Variants in EVPL observed in about 807,000 individuals in gnomAD.
EVPL encodes the protein envoplakin.
A neutral mutation model predicts 129.7 loss-of-function variants in EVPL; 94 were observed. The observed-to-expected ratio is 0.72, with a 90% CI of 0.61 to 0.86. EVPL has a LOEUF of 0.86. Ranked by LOEUF, EVPL falls within the 40% of genes least tolerant of loss-of-function variation. The pLI is 0.00. For missense variants in EVPL, 2,625 were observed against 2,721.1 expected (o/e 0.96, Z 0.79); for synonymous variants, 1,172 against 1,191.1 (o/e 0.98, Z 0.33).
Position 76,024,021 on chromosome 17 carries a change from C to A in EVPL, c.198G>T (p.Gln66His). The A allele has an allele frequency of 6.2e-7, 1 of 1,612,272 alleles. No homozygotes were observed. The highest frequency in any genetic ancestry group is 1.1e-5 in the South Asian group (1 of 90,640). ...DILETQKRLQQDRLNSEQSQA... is the reference protein window; with the variant it reads ...DILETQKRLQHDRLNSEQSQA... ...CTGCCAACTGCTGCCGGGGCCTCAC[C>A]TGCTGCAGCCTCTTCTGCGTCTCCA... The change falls in exon 2 of 22, where the codon CAG becomes CAT. Residue 66 changes from glutamine to histidine, a missense_variant and splice_region_variant. Gln to His is a conservative substitution (Grantham distance 24, BLOSUM62 0). Around this residue, in one of 4 missense-constraint regions of EVPL, gnomAD observed 139 missense variants for 186.8 expected, o/e 0.74. Coordinates refer to ENST00000301607, the MANE Select transcript of EVPL (RefSeq NM_001988.4). The surrounding 1 kb of genome is among the most constrained non-coding windows in gnomAD (Gnocchi z 4.5).
chr17:76,017,694 C>A, intron 14 of EVPL, 45 bp downstream of exon 14: 1 of 1,589,000 alleles, frequency 6.3e-7, no homozygotes, highest in Non-Finnish European at 8.5e-7. Flanking sequence ...GCACCAGGGC[C>A]GGGCCGCTTC....
In EVPL at chr17:76,008,740, T is replaced by C. The variant is rs762089155; in HGVS notation, c.4465A>G (p.Lys1489Glu). ...CGATTCAGCTCGGTTACCTGGGTCT[T>C]CTCCTGGTCCAGGTCCCACCGCAGG... Reference protein sequence around the residue: ...EALRWDLDQEKTQVTELNREC... With the variant: ...EALRWDLDQEETQVTELNREC... The change falls in exon 22 of 22, where the codon AAG becomes GAG. Residue 1489 changes from lysine (K) to glutamate (E), a missense_variant. Physicochemically the swap from Lys to Glu is moderately conservative, Grantham distance 56. Coordinates refer to ENST00000301607, the MANE Select transcript of EVPL (RefSeq NM_001988.4). This position sits in a 1 kb window ranked among gnomAD's most constrained non-coding sequence, Gnocchi z 7.4. The C allele has an allele frequency of 6.2e-7, 1 of 1,614,114 alleles. No homozygotes were observed. Among genetic ancestry groups the C allele is most frequent in the Non-Finnish European group, 8.5e-7 (1 of 1,180,026 alleles).
chr17:76,014,360 C>A, intron 18 of EVPL, 66 bp downstream of exon 18: 3 of 1,535,922 alleles, frequency 2.0e-6, no homozygotes, highest in South Asian at 1.2e-5. Context: ...CCCCTTAGAG[C>A]GCTTCTGAGC....
Position 76,008,348 on chromosome 17 carries a change from C to T in EVPL, c.4857G>A (p.Leu1619=), listed in dbSNP as rs1052757657. The T allele has an allele frequency of 2.5e-6, 4 of 1,603,946 alleles. No homozygotes were observed. Among genetic ancestry groups the T allele is most frequent in the Admixed American group, 1.7e-5 (1 of 59,936 alleles). The stretch of plus-strand genomic sequence containing the variant: ...GCTCGCTCTCCGTCTTCTGGCTGAG[C>T]AGCTTCGACTCCTCCTGCAGCTGCA... ...QTLQLQEESK[L]LSQKTESERQ... is the part of the protein sequence containing the mutation. The change falls in exon 22 of 22, where the codon CTG becomes CTA. Residue 1619 remains leucine, a synonymous_variant. Coordinates refer to ENST00000301607, the MANE Select transcript of EVPL (RefSeq NM_001988.4). This position sits in a 1 kb window ranked among gnomAD's most constrained non-coding sequence, Gnocchi z 7.4.
rs1315063481 is a variant in EVPL at position 76,009,305 on chromosome 17, CTCG to C, written c.3897_3899del (p.Asp1299del). 2.5e-6 allele frequency: 4 copies of C among 1,609,412 alleles called. No individual in the cohort carries two copies. The highest frequency in any genetic ancestry group is 2.2e-5 in the East Asian group (1 of 44,888). On this transcript the variant is annotated inframe_deletion, in exon 22 of 22. Coordinates refer to ENST00000301607, the MANE Select transcript of EVPL (RefSeq NM_001988.4). This position sits in a 1 kb window ranked among gnomAD's most constrained non-coding sequence, Gnocchi z 5.9. ...CCACCTTGGCCCGCTCGCGCCTCCA[CTCG>C]TCGCGCTCACCCTGCAGGCGGATGA... is the stretch of plus-strand genomic sequence containing the variant.
rs1312322746 is a variant in EVPL, at chr17:76,012,260, T to C, written c.2374-171A>G. On this transcript the variant is annotated intron_variant, in intron 18 of 21. Transcript: ENST00000301607. The stretch of plus-strand genomic sequence containing the variant: ...CTCCTTTCCCTGACATCATTCTCTC[T>C]GCTTTTCCTCCTTCCTCTCCGAGGC... 10 of 571,066 alleles carry C rather than the reference T, an allele frequency of 1.8e-5. No homozygotes were observed. The African/African-American group carries it at 1.9e-4, about 11-fold the overall frequency. 35.4% of individuals were successfully genotyped at this position (571,066 alleles called of 1,614,324 possible).
Position 76,009,920 on chromosome 17 carries a change from C to CA in EVPL, c.3284dup (p.Arg1096GlufsTer166). The CA allele has an allele frequency of 4.3e-6, 7 of 1,614,206 alleles. No homozygotes were observed. Among genetic ancestry groups the CA allele is most frequent in the Non-Finnish European group, 5.9e-6 (7 of 1,180,036 alleles). On this transcript the variant is annotated frameshift_variant, in exon 22 of 22. Transcript: ENST00000301607. LOFTEE classifies it low-confidence loss of function (END_TRUNC). This position sits in a 1 kb window ranked among gnomAD's most constrained non-coding sequence, Gnocchi z 5.9. ...CAGCATCCTCCTCCATCTGCAGCCTCAGAGCCTGGGCTGCCTTGACCATTT... is the reference window on the plus strand; with the variant it reads ...CAGCATCCTCCTCCATCTGCAGCCTCAAGAGCCTGGGCTGCCTTGACCATTT...
chr17:76,021,710 C>A lies in EVPL; in HGVS notation c.879G>T (p.Met293Ile), dbSNP rs758252382. 10 of 1,610,458 alleles carry A rather than the reference C, an allele frequency of 6.2e-6. No individual in the cohort carries two copies. Among genetic ancestry groups the A allele is most frequent in the African/African-American group, 2.7e-5 (2 of 74,834 alleles). ...VNQLEDDGER[M>I]VELRHPAVGP... is the part of the protein sequence containing the mutation. ...CCACCGCGGGGTGCCGCAGCTCCACCATGCGCTCGCCGTCGTCCTCCAGCT... is the reference window on the plus strand; with the variant it reads ...CCACCGCGGGGTGCCGCAGCTCCACAATGCGCTCGCCGTCGTCCTCCAGCT... Residue 293 changes from methionine (M) to isoleucine (I), a missense_variant, in exon 8 of 22, where the codon ATG becomes ATT. Physicochemically the swap from Met to Ile is conservative, Grantham distance 10 (BLOSUM62 1). This residue lies in a region of EVPL where 1,024 missense variants were observed against 997.5 expected (regional missense o/e 1.03). Transcript: ENST00000301607.
chr17:76,011,792 G>A lies in EVPL; in HGVS notation c.2548C>T (p.Gln850Ter). ...APKRPRVAPL[Q>*]ESIQAQEKNL... ...CTCACCTGGGCTTGGATGCTCTCTT[G>A]CAGGGGAGCCACTCGGGGTCTCTTG... The change falls in exon 20 of 22, where the codon CAA (glutamine) becomes TAA (stop). Residue 850 changes from glutamine to a stop codon, truncating the protein, a stop_gained. Transcript: ENST00000301607. LOFTEE classifies it high-confidence loss of function. 1.2e-6 allele frequency: 2 copies of A among 1,612,514 alleles called. No individual in the cohort carries two copies. Among genetic ancestry groups the A allele is most frequent in the Non-Finnish European group, 1.7e-6 (2 of 1,179,378 alleles).
rs966549937 is a variant in EVPL at position 76,011,521 on chromosome 17, G to A, written c.2661+55C>T. On this transcript the variant is annotated intron_variant, in intron 21 of 21. Transcript: ENST00000301607. ...GCCTGGCATTTTGGGAATGGAGTGG[G>A]CATTCCTGGTTATTCCTGGCTATTG... The A allele has an allele frequency of 4.8e-6, 7 of 1,453,056 alleles. No homozygotes were observed. In the African/African-American group the frequency reaches 9.8e-5, roughly 20 times the overall value. The allele number at this position is 1,453,056 out of a possible 1,614,324, so 90.0% of individuals were successfully genotyped here.
chr17:76,008,700 A>G lies in EVPL; in HGVS notation c.4505T>C (p.Leu1502Pro). The G allele has an allele frequency of 1.2e-6, 2 of 1,613,516 alleles. No individual in the cohort carries two copies. Among genetic ancestry groups the G allele is most frequent in the Middle Eastern group, 1.6e-4 (1 of 6,062 alleles). ...VTELNRECKN[L>P]QVQIDVLQKA... The stretch of plus-strand genomic sequence containing the variant: ...CTGGAGGACGTCAATCTGGACCTGC[A>G]GGTTCTTGCACTCCCGATTCAGCTC... The change falls in exon 22 of 22, where the codon CTG becomes CCG. Residue 1502 changes from leucine to proline, a missense_variant. Transcript: ENST00000301607. The surrounding 1 kb of genome is among the most constrained non-coding windows in gnomAD (Gnocchi z 7.4).
Position 76,009,238 on chromosome 17 carries a change from C to T in EVPL, c.3967G>A (p.Asp1323Asn). 1.2e-6 allele frequency: 2 copies of T among 1,608,046 alleles called. No homozygotes were observed. The highest frequency in any genetic ancestry group is 1.7e-6 in the Non-Finnish European group (2 of 1,179,922). The change falls in exon 22 of 22, where the codon GAC (aspartate) becomes AAC (asparagine). Residue 1323 changes from aspartate to asparagine, a missense_variant. Physicochemically the swap from Asp to Asn is conservative, Grantham distance 23 (BLOSUM62 1). Coordinates refer to ENST00000301607, the MANE Select transcript of EVPL (RefSeq NM_001988.4). The surrounding 1 kb of genome is among the most constrained non-coding windows in gnomAD (Gnocchi z 5.9). The stretch of plus-strand genomic sequence containing the variant: ...TCTGCTTCTTTCTCCAGCACCGGGT[C>T]CTTCTCGTGGCGCACCACCTCCTTG... ...VSKEVVRHEK[D>N]PVLEKEAERL...
chr17:76,011,574 A>T lies in EVPL; in HGVS notation c.2661+2T>A, dbSNP rs746423354. 3.1e-6 allele frequency: 5 copies of T among 1,613,376 alleles called. No homozygotes were observed. The African/African-American group carries it at 6.7e-5, about 22-fold the overall frequency. ...GGAAAGCTGTAGGTGTTGTCTGTGT[A>T]CCTTCTCCAGCATTTTTCTAGCAAA... On this transcript the variant is annotated splice_donor_variant, in intron 21 of 21. Coordinates refer to ENST00000301607, the MANE Select transcript of EVPL (RefSeq NM_001988.4). LOFTEE classifies it high-confidence loss of function.
chr17:76,019,054 C>T lies in EVPL; in HGVS notation c.1144G>A (p.Glu382Lys), dbSNP rs1416678848. 2.5e-6 allele frequency: 4 copies of T among 1,575,908 alleles called. No individual in the cohort carries two copies. Among genetic ancestry groups the T allele is most frequent in the East Asian group, 4.7e-5 (2 of 42,902 alleles). Residue 382 changes from glutamate to lysine, a missense_variant, in exon 11 of 22, where the codon GAA becomes AAA. This residue lies in a region of EVPL where 1,024 missense variants were observed against 997.5 expected (regional missense o/e 1.03). Coordinates refer to ENST00000301607, the MANE Select transcript of EVPL (RefSeq NM_001988.4). ...TELLQQLEAE[E>K]KRLAVTERAT... Reference sequence around the variant, plus strand: ...CTCTCGGTGACGGCCAGCCGTTTTTCCTCTGCCTGCCGGGGGCCCAGGCAG... The same window carrying T: ...CTCTCGGTGACGGCCAGCCGTTTTTTCTCTGCCTGCCGGGGGCCCAGGCAG...
At chr17:76,017,694 C>T (rs756600390) in intron 14 of EVPL, 45 bp downstream of exon 14, 47 of 1,588,882 alleles carry the variant, frequency 3.0e-5, no homozygotes, top group Middle Eastern at 1.8e-4. Context: ...GCACCAGGGC[C>T]GGGCCGCTTC....
Position 76,022,561 on chromosome 17 carries a change from G to A in EVPL, c.481-23C>T, listed in dbSNP as rs773568413. ...CTTCTGCAGGAGAGCCGGCGGCTCA[G>A]TCCCCAAAGGACCGCGGTGGGGAGC... On this transcript the variant is annotated intron_variant, in intron 4 of 21. Coordinates refer to ENST00000301607, the MANE Select transcript of EVPL (RefSeq NM_001988.4). This position sits in a 1 kb window ranked among gnomAD's most constrained non-coding sequence, Gnocchi z 5.6. The A allele has an allele frequency of 1.3e-6, 2 of 1,587,068 alleles. No individual in the cohort carries two copies. The highest frequency in any genetic ancestry group is 3.6e-5 in the Admixed American group (2 of 54,948).
At position 76,012,005 on chromosome 17, in the gene EVPL, C is replaced by T. The variant is rs200516517; in HGVS notation, c.2457+1G>A. The T allele has an allele frequency of 1.9e-6, 3 of 1,612,628 alleles. No individual in the cohort carries two copies. Among genetic ancestry groups the T allele is most frequent in the Non-Finnish European group, 2.5e-6 (3 of 1,179,432 alleles). On this transcript the variant is annotated splice_donor_variant, in intron 19 of 21. Transcript: ENST00000301607. LOFTEE classifies it high-confidence loss of function. ...GGGCAAGCTGAAGGCAAGCTGCTTACCTGGAGCGCTGCCTGCAGGGCCTGG... is the reference window on the plus strand; with the variant it reads ...GGGCAAGCTGAAGGCAAGCTGCTTATCTGGAGCGCTGCCTGCAGGGCCTGG...
chr17:76,011,421 C>T (rs1333141840), intron 21 of EVPL, 155 bp downstream of exon 21: 9 of 695,646 alleles, frequency 1.3e-5, no homozygotes, highest in South Asian at 3.3e-5. Context: ...GAATCCGCTC[C>T]CCTCTCCAGC....
chr17:76,013,083 C>T lies in EVPL; in HGVS notation c.2374-994G>A, dbSNP rs2066391843. 6.6e-6 allele frequency among the ~76,000 whole-genome samples: 1 copy of T among 152,144 alleles called. No homozygotes were observed. The highest frequency in any genetic ancestry group is 1.5e-5 in the Non-Finnish European group (1 of 68,028). Reference sequence around the variant, plus strand: ...TCTGATAAGTCCCCAGGTGATGCTGCTACAGCTCATCCAGAACCATGGCTC... The same window carrying T: ...TCTGATAAGTCCCCAGGTGATGCTGTTACAGCTCATCCAGAACCATGGCTC... On this transcript the variant is annotated intron_variant, in intron 18 of 21. Coordinates refer to ENST00000301607, the MANE Select transcript of EVPL (RefSeq NM_001988.4). The surrounding 1 kb of genome is among the most constrained non-coding windows in gnomAD (Gnocchi z 4.3).
Sources: gnomAD v4.1 joint callset for allele counts (sites outside exome capture counted in the v4.1 genomes callset) on GRCh38, gnomAD v4.1.1 for gene constraint, gnomAD v4.1.1 regional missense constraint, Gnocchi (gnomAD v3.1) non-coding constraint, MANE v1.5 for transcripts, NCBI Gene and HGNC (gene_info 2026-07-23, HGNC 2026-07-21) for gene names.